LIPT1: variants seen among roughly 807,000 people sequenced by gnomAD.
The protein encoded by LIPT1 is lipoyl amidotransferase LIPT1, mitochondrial.
Under a neutral mutation model 25.1 loss-of-function variants are expected in LIPT1, and 22 were observed. The observed-to-expected ratio is 0.88, with a 90% CI of 0.63 to 1.25. LIPT1 has a LOEUF of 1.25. LIPT1 is among the 50% of genes most tolerant of loss of function. LIPT1 has a pLI of 0.00. For missense variants in LIPT1, 399 were observed against 432.8 expected (o/e 0.92, Z 0.69); for synonymous variants, 131 against 150.8 (o/e 0.87, Z 0.96).
intron 1 of LIPT1, among the ~76,000 whole-genome samples, chr2:99,157,741 C>G (rs1021215540): frequency 2.0e-5 from 3 of 152,186 alleles, no homozygotes; most frequent in Non-Finnish European, 4.4e-5. Context: ...TTCTGTATGT[C>G]CGTTAAATGT....
intron 1 of LIPT1, chr2:99,156,219 C>G (rs2093751690): frequency 1.3e-5 from 2 of 152,130 alleles, no homozygotes; most frequent in South Asian, 2.1e-4. Flanking sequence ...GCCTAACAAC[C>G]CTATTTAAAA....
intron 1 of LIPT1, 160 bp downstream of exon 1, chr2:99,155,211 C>T: frequency 2.6e-6 from 1 of 378,186 alleles, no homozygotes; most frequent in Non-Finnish European, 5.3e-6. Flanking sequence ...TTCTCCTCAG[C>T]ACTTGGGACG....
chr2:99,161,350 G>A (rs200807609), intron 1 of LIPT1: 4 of 106,590 alleles, frequency 3.8e-5, no homozygotes, highest in African/African-American at 7.7e-5. Context: ...ATTGAATGTC[G>A]AATGAAATAA....
chr2:99,156,641 G>A (rs1264924314), intron 1 of LIPT1: 1 of 152,130 alleles, frequency 6.6e-6, no homozygotes, highest in Non-Finnish European at 1.5e-5. Context: ...TAAGAACAAT[G>A]TCTGTCATGT....
intron 1 of LIPT1, 139 bp downstream of exon 1, chr2:99,155,190 GTGTGCACACTTTC>G: frequency 2.5e-6 from 1 of 401,464 alleles, no homozygotes; most frequent in South Asian, 1.8e-5. Flanking sequence ...GAAGCCTCTT[GTGTGCACACTTTC>G]TCCTCAGCAC....
intron 1 of LIPT1, among the ~76,000 whole-genome samples, chr2:99,155,712 G>A (rs180897071): frequency 4.6e-5 from 7 of 152,266 alleles, no homozygotes; most frequent in Admixed American, 2.0e-4. Context: ...ACTCAGTCGG[G>A]GTCTGATCCG....
chr2:99,155,398 A>C (rs778541989), intron 1 of LIPT1: 1 of 438,632 alleles, frequency 2.3e-6, no homozygotes. Flanking sequence ...AGAGGGGACA[A>C]AATAATAGGG....
Position 99,162,289 on chromosome 2 carries a change from G to T in LIPT1, c.332G>T (p.Gly111Val). The change falls in exon 2 of 2, where the codon GGT (glycine) becomes GTT (valine). Residue 111 changes from glycine to valine, a missense_variant. Physicochemically the swap from Gly to Val is moderately radical, Grantham distance 109 (BLOSUM62 -3). Transcript: ENST00000651691. ...GGAGGAACAGTCTACCATGATATGG[G>T]TAATATCAATTTGACTTTCTTTACA... ...SGGGTVYHDM[G>V]NINLTFFTTK... 1 of 1,610,554 alleles carries T rather than the reference G, an allele frequency of 6.2e-7. No individual in the cohort carries two copies. The highest frequency in any genetic ancestry group is 8.5e-7 in the Non-Finnish European group (1 of 1,177,788).
At chr2:99,157,567 GA>G (rs2093763573) in intron 1 of LIPT1, among the ~76,000 whole-genome samples, 1 of 152,154 alleles carries the variant, frequency 6.6e-6, no homozygotes, top group Admixed American at 6.5e-5. Flanking sequence ...TAACCTTCTT[GA>G]TACTGTTTAA....
intron 1 of LIPT1, chr2:99,155,626 G>T: frequency 2.3e-6 from 1 of 436,920 alleles, no homozygotes; most frequent in South Asian, 1.6e-5. Flanking sequence ...GATTTTGAAG[G>T]AACAAAATTT....
At chr2:99,156,756 T>A (rs936825502) in intron 1 of LIPT1, 1 of 152,262 alleles carries the variant, frequency 6.6e-6, no homozygotes, top group African/African-American at 2.4e-5. Flanking sequence ...TTAAAATACA[T>A]GCATTGGCTC....
chr2:99,158,046 G>T (rs1454493594), intron 1 of LIPT1, among the ~76,000 whole-genome samples: 2 of 152,136 alleles, frequency 1.3e-5, no homozygotes, highest in African/African-American at 4.8e-5. Context: ...TAGCTCATCA[G>T]ACTCAGCCTG....
intron 1 of LIPT1, chr2:99,155,314 C>T: frequency 2.7e-6 from 1 of 370,914 alleles, no homozygotes; most frequent in Non-Finnish European, 5.4e-6. Context: ...GTGCACGCCC[C>T]CTGGGAGCCA....
chr2:99,155,116 G>A (rs2093736650), intron 1 of LIPT1, 65 bp downstream of exon 1: 1 of 450,598 alleles, frequency 2.2e-6, no homozygotes, highest in Non-Finnish European at 4.5e-6. Context: ...CGGCCGTGGG[G>A]TCTTGGGCGC....
rs922102562 is a variant in LIPT1, at chr2:99,158,574, T to G, written c.-1-3383T>G. On this transcript the variant is annotated intron_variant, in intron 1 of 1. Coordinates refer to ENST00000651691, the MANE Select transcript of LIPT1 (RefSeq NM_145199.3). ...ATCCTGGGCAATAAAGTTCAAGCAT[T>G]TCACTTGGATTTAAGGTTCTTTATA... Among the ~76,000 whole-genome samples, 49 of 152,146 alleles carry G rather than the reference T, an allele frequency of 3.2e-4. 1 individual carries two copies. The highest frequency in any genetic ancestry group is 3.1e-3 in the Admixed American group (48 of 15,266).
At chr2:99,156,796 C>G (rs183002668) in intron 1 of LIPT1, 1 of 152,338 alleles carries the variant, frequency 6.6e-6, no homozygotes, top group African/African-American at 2.4e-5. Flanking sequence ...TTCTGGAACC[C>G]TAACAAGATC....
At chr2:99,160,357 A>G (rs897893748) in intron 1 of LIPT1, among the ~76,000 whole-genome samples, 8 of 152,332 alleles carry the variant, frequency 5.3e-5, no homozygotes, top group African/African-American at 1.2e-4. Flanking sequence ...GCAGTGAGAC[A>G]ATTACAGAGT....
At chr2:99,161,387 G>GTA (rs1467343809) in intron 1 of LIPT1, 51 of 134,798 alleles carry the variant, frequency 3.8e-4, no homozygotes, top group African/African-American at 1.4e-3. Context: ...ATGTGTGTGC[G>GTA]TATACATGCT....
At chr2:99,155,861 C>T (rs1328354019) in intron 1 of LIPT1, among the ~76,000 whole-genome samples, 1 of 152,180 alleles carries the variant, frequency 6.6e-6, no homozygotes, top group African/African-American at 2.4e-5. Flanking sequence ...GAGCCCATTC[C>T]GTCAGACGTT....
Sources: gnomAD v4.1 joint callset for allele counts (sites outside exome capture counted in the v4.1 genomes callset) on GRCh38, gnomAD v4.1.1 for gene constraint, MANE v1.5 for transcripts, NCBI Gene and HGNC (gene_info 2026-07-23, HGNC 2026-07-21) for gene names.